Variants in TMTC1 observed in about 807,000 individuals in gnomAD.
TMTC1 encodes the protein transmembrane O-mannosyltransferase targeting cadherins 1.
A neutral mutation model predicts 104.8 loss-of-function variants in TMTC1; 73 were observed. The observed-to-expected ratio is 0.70, with a 90% CI of 0.58 to 0.85. TMTC1 has a LOEUF of 0.85. Among genes scored for constraint, TMTC1 ranks in the 40% least tolerant of loss-of-function variants. The pLI is 0.00. For missense variants in TMTC1, 1,035 were observed against 1,096.1 expected (o/e 0.94, Z 0.79); for synonymous variants, 434 against 428.7 (o/e 1.01, Z -0.15).
At chr12:29,536,355 T>C in intron 10 of TMTC1, 38 bp from the exon 11 acceptor site, 2 of 1,273,880 alleles carry the variant, frequency 1.6e-6, no homozygotes, top group Non-Finnish European at 2.2e-6. Flanking sequence ...AGAACATCTT[T>C]TAATAACACT....
At chr12:29,527,662 TCA>T (rs1316957632) in intron 11 of TMTC1, among the ~76,000 whole-genome samples, 5 of 152,248 alleles carry the variant, frequency 3.3e-5, no homozygotes, top group African/African-American at 1.2e-4. Context: ...ATTGATGTCC[TCA>T]CAGTCTCAGC....
chr12:29,743,390 G>T (rs1380360454), intron 5 of TMTC1, among the ~76,000 whole-genome samples: 1 of 152,028 alleles, frequency 6.6e-6, no homozygotes, highest in Non-Finnish European at 1.5e-5. Flanking sequence ...TCATAATGTT[G>T]ATCATGATGA....
At chr12:29,540,455 C>T (rs557397231) in intron 10 of TMTC1, among the ~76,000 whole-genome samples, 1 of 152,276 alleles carries the variant, frequency 6.6e-6, no homozygotes, top group South Asian at 2.1e-4. Context: ...CACACAGCTT[C>T]GATAACACCT....
chr12:29,638,617 C>A (rs772312173), intron 5 of TMTC1, among the ~76,000 whole-genome samples: 5 of 152,204 alleles, frequency 3.3e-5, no homozygotes, highest in Non-Finnish European at 7.3e-5. Flanking sequence ...GCTGAAAGAG[C>A]ACACGGTAAC....
intron 10 of TMTC1, among the ~76,000 whole-genome samples, chr12:29,542,313 G>A (rs1164904042): frequency 6.6e-6 from 1 of 151,980 alleles, no homozygotes; most frequent in African/African-American, 2.4e-5. Context: ...TCTGGTAGAG[G>A]GTTCAACCGG....
chr12:29,680,806 T>A (rs936836764), intron 5 of TMTC1, among the ~76,000 whole-genome samples: 1 of 152,036 alleles, frequency 6.6e-6, no homozygotes, highest in Non-Finnish European at 1.5e-5. Flanking sequence ...AACTGCCAGA[T>A]GAGAAGTAAA....
intron 5 of TMTC1, among the ~76,000 whole-genome samples, chr12:29,678,333 T>G (rs981207882): frequency 6.6e-6 from 1 of 152,192 alleles, no homozygotes; most frequent in Admixed American, 6.5e-5. Context: ...TCTGCTTTGC[T>G]TACAGTTAGA....
intron 6 of TMTC1, among the ~76,000 whole-genome samples, chr12:29,610,304 G>T (rs193104626): frequency 3.3e-5 from 5 of 152,226 alleles, no homozygotes; most frequent in Admixed American, 3.3e-4. Context: ...TTCAGCCCTC[G>T]AGTGAAGCAC....
intron 17 of TMTC1, among the ~76,000 whole-genome samples, chr12:29,508,430 A>G (rs2216859): frequency 0.37 from 56,728 of 152,078 alleles, 11,306 homozygotes; most frequent in East Asian, 0.53. Context: ...TTTGACTGCA[A>G]TTGCTTTTGA....
intron 10 of TMTC1, among the ~76,000 whole-genome samples, chr12:29,548,932 T>C (rs1365492237): frequency 2.1e-5 from 3 of 144,146 alleles, no homozygotes; most frequent in Admixed American, 7.1e-5. Flanking sequence ...TTATATAATA[T>C]GTAAATAATA....
chr12:29,562,258 C>A (rs1382717376), intron 9 of TMTC1, among the ~76,000 whole-genome samples: 1 of 152,166 alleles, frequency 6.6e-6, no homozygotes, highest in East Asian at 1.9e-4. Flanking sequence ...CGGGAAAAAG[C>A]CTCAACTGCA....
At position 29,583,463 on chromosome 12, in the gene TMTC1, G is replaced by A. The variant is rs1946039527; in HGVS notation, c.1362C>T (p.Phe454=). The change falls in exon 8 of 18, where the codon TTC becomes TTT. Residue 454 remains phenylalanine (F), a synonymous_variant. Coordinates refer to ENST00000539277, the MANE Select transcript of TMTC1 (RefSeq NM_001193451.2). ...CATTCTGTTTCACAGTTTTCCAAGA[G>A]AAAAGCAACAGCAGCAACACAGTGG... ...IVSTVLLLLL[F]SWKTVKQNEI... is the part of the protein sequence containing the mutation. 2.5e-6 allele frequency: 4 copies of A among 1,613,816 alleles called. No individual in the cohort carries two copies. The African/African-American group carries it at 5.3e-5, about 22-fold the overall frequency.
chr12:29,597,315 T>C (rs149722099), intron 7 of TMTC1, among the ~76,000 whole-genome samples: 82 of 149,682 alleles, frequency 5.5e-4, no homozygotes, highest in Non-Finnish European at 8.7e-4. Context: ...GCTCAAGCAA[T>C]TGTCCTGCCT....
intron 1 of TMTC1, among the ~76,000 whole-genome samples, chr12:29,776,794 G>A (rs186450645): frequency 3.9e-5 from 6 of 152,298 alleles, no homozygotes; most frequent in Admixed American, 3.9e-4. Context: ...GGGATGAAGT[G>A]ACATTTAGGC....
intron 16 of TMTC1, among the ~76,000 whole-genome samples, chr12:29,513,539 CAAT>C (rs10611820): frequency 0.3 from 45,377 of 151,786 alleles, 7,348 homozygotes; most frequent in East Asian, 0.39. Context: ...ATGTGTTTTC[CAAT>C]AATATTTAAA....
intron 5 of TMTC1, among the ~76,000 whole-genome samples, chr12:29,638,209 C>T (rs976080397): frequency 1.3e-5 from 2 of 152,124 alleles, no homozygotes; most frequent in Non-Finnish European, 2.9e-5. Context: ...CCATGACCCC[C>T]ATCTTGTGCC....
intron 10 of TMTC1, among the ~76,000 whole-genome samples, chr12:29,539,813 A>G (rs1304968864): frequency 1.3e-5 from 2 of 152,212 alleles, no homozygotes; most frequent in Non-Finnish European, 2.9e-5. Context: ...CTAGAGACTG[A>G]GATTCAGAGT....
chr12:29,646,745 AAGAC>A (rs1486199911), intron 5 of TMTC1, among the ~76,000 whole-genome samples: 1 of 152,172 alleles, frequency 6.6e-6, no homozygotes, highest in Non-Finnish European at 1.5e-5. Flanking sequence ...TTATAATACA[AAGAC>A]ATAACAGGGG....
At chr12:29,664,201 A>AT (rs1940180151) in intron 5 of TMTC1, among the ~76,000 whole-genome samples, 1 of 144,204 alleles carries the variant, frequency 6.9e-6, no homozygotes, top group African/African-American at 2.6e-5. Context: ...AAATAAAAAT[A>AT]AAAAATAAAA....
Sources: allele counts gnomAD v4.1 joint callset (sites outside exome capture counted in the v4.1 genomes callset), GRCh38; gene constraint gnomAD v4.1.1; transcripts MANE v1.5; gene names NCBI Gene and HGNC (gene_info 2026-07-23, HGNC 2026-07-21).